The following ABCB1 variants were observed in gnomAD, a reference collection of about 807,000 sequenced individuals.
The protein encoded by ABCB1 is ATP-dependent translocase ABCB1.
ABCB1 carries 69 observed loss-of-function variants against 142.0 expected under a neutral mutation model. The ratio of observed to expected loss-of-function variants is 0.49; its 90% CI spans 0.40 to 0.59. The LOEUF (loss-of-function observed/expected upper bound fraction) is 0.59. Among genes scored for constraint, ABCB1 ranks in the 20% least tolerant of loss-of-function variants. ABCB1 has a pLI of 0.00. For synonymous variants in ABCB1, 532 were observed against 539.2 expected, an observed-to-expected ratio of 0.99 and a Z score of 0.18; for missense variants, 1,326 against 1,554.7, an observed-to-expected ratio of 0.85 and a Z score of 2.47.
rs564913013 is a variant in ABCB1 at position 87,664,900 on chromosome 7, C to A, written c.-331+48261G>T. On this transcript the variant is annotated intron_variant, in intron 1 of 28. Coordinates refer to the ABCB1 transcript ENST00000265724. ...TAGCAAAGCATTTCACAAAATTTAA[C>A]ATCCTTTCTTAATAAAAATTCTCAA... 7.9e-5 allele frequency among the ~76,000 whole-genome samples: 12 copies of A among 152,246 alleles called. 1 individual carries two copies. The South Asian group carries it at 2.5e-3, about 32-fold the overall frequency.
intron 1 of ABCB1, among the ~76,000 whole-genome samples, chr7:87,629,920 C>CAA (rs202130650): frequency 7.1e-5 from 8 of 112,776 alleles, no homozygotes; most frequent in East Asian, 2.6e-4. Context: ...GAGACTTCGT[C>CAA]AAAAAAAAAA....
At chr7:87,603,873 A>G (rs1819553407), upstream of ABCB1, among the ~76,000 whole-genome samples, 1 of 152,012 alleles carries the variant, frequency 6.6e-6, no homozygotes, top group Non-Finnish European at 1.5e-5. Flanking sequence ...AGTATCTTCT[A>G]ATGTTATGGC....
At chr7:87,687,026 A>G (rs1446778921) in intron 1 of ABCB1, among the ~76,000 whole-genome samples, 2 of 152,116 alleles carry the variant, frequency 1.3e-5, no homozygotes, top group East Asian at 3.9e-4. Context: ...GAAATGTAGC[A>G]CTTATTAAAG....
At chr7:87,653,758 T>G (rs1823809866) in intron 1 of ABCB1, among the ~76,000 whole-genome samples, 1 of 152,008 alleles carries the variant, frequency 6.6e-6, no homozygotes, top group Non-Finnish European at 1.5e-5. Flanking sequence ...GGTAAGGTAT[T>G]GCTAGTTTCT....
intron 1 of ABCB1, among the ~76,000 whole-genome samples, chr7:87,668,620 T>A (rs1305808386): frequency 6.6e-6 from 1 of 152,296 alleles, no homozygotes; most frequent in East Asian, 1.9e-4. Flanking sequence ...TTTAGTGCAA[T>A]GAAGTTCTCT....
At chr7:87,655,694 A>G (rs1008806566) in intron 1 of ABCB1, among the ~76,000 whole-genome samples, 3 of 152,144 alleles carry the variant, frequency 2.0e-5, no homozygotes, top group Non-Finnish European at 2.9e-5. Context: ...AAATTCCTAA[A>G]AGAGTATATT....
At chr7:87,618,214 G>A (rs1820091409) in intron 1 of ABCB1, among the ~76,000 whole-genome samples, 1 of 151,956 alleles carries the variant, frequency 6.6e-6, no homozygotes, top group Admixed American at 6.6e-5. Flanking sequence ...CTCTCCTTTG[G>A]AACATTTATC....
chr7:87,651,504 G>T (rs1373817287), intron 1 of ABCB1, among the ~76,000 whole-genome samples: 3 of 151,988 alleles, frequency 2.0e-5, no homozygotes, highest in Non-Finnish European at 4.4e-5. Context: ...AAATATAGTT[G>T]CTAAAATTCA....
intron 1 of ABCB1, among the ~76,000 whole-genome samples, chr7:87,685,985 C>T (rs1472264350): frequency 6.6e-6 from 1 of 152,142 alleles, no homozygotes; most frequent in African/African-American, 2.4e-5. Context: ...AGGAATACTC[C>T]TTTACCATCA....
intron 3 of ABCB1, among the ~76,000 whole-genome samples, chr7:87,590,265 C>T (rs1030146428): frequency 6.6e-6 from 1 of 152,208 alleles, no homozygotes; most frequent in Non-Finnish European, 1.5e-5. Context: ...ATGTATTCAA[C>T]ATTCATTCAA....
In ABCB1 at chr7:87,702,173, CAG is replaced by C. The variant is rs1404391727; in HGVS notation, c.-331+10986_-331+10987del. 3.1e-3 allele frequency among the ~76,000 whole-genome samples: 221 copies of C among 71,182 alleles called. 2 individuals carry two copies. Among genetic ancestry groups the C allele is most frequent in the Non-Finnish European group, 4.2e-3 (144 of 34,544 alleles). The allele number at this position is 71,182 out of a possible 152,430, so 46.7% of individuals were successfully genotyped here. ...AAAAAAAAAAAAAAAAAAAAAAAAA[CAG>C]AGATACTTTTCTCACTAATTTTTTT... On this transcript the variant is annotated intron_variant, in intron 1 of 28. Coordinates refer to the ABCB1 transcript ENST00000265724.
intron 20 of ABCB1, among the ~76,000 whole-genome samples, chr7:87,531,996 G>A (rs1337732107): frequency 6.6e-6 from 1 of 152,086 alleles, no homozygotes; most frequent in African/African-American, 2.4e-5. Flanking sequence ...TAGTAAGCGC[G>A]CATTATTATC....
chr7:87,588,398 C>A (rs535035291), intron 3 of ABCB1, among the ~76,000 whole-genome samples: 1 of 152,170 alleles, frequency 6.6e-6, no homozygotes, highest in Admixed American at 6.5e-5. Context: ...GTGTTCTCAT[C>A]ATTTAGCTCC....
intron 1 of ABCB1, among the ~76,000 whole-genome samples, chr7:87,675,928 A>C (rs1268816506): frequency 2.0e-5 from 3 of 152,202 alleles, no homozygotes; most frequent in Non-Finnish European, 4.4e-5. Context: ...TAAACTGAGA[A>C]GTTTCAAGCC....
chr7:87,608,826 T>A (rs962634377), intron 1 of ABCB1, among the ~76,000 whole-genome samples: 1 of 152,216 alleles, frequency 6.6e-6, no homozygotes, highest in Non-Finnish European at 1.5e-5. Flanking sequence ...ATTTAAAATA[T>A]ATTTCCATAT....
At chr7:87,542,464 T>C (rs777431187) in intron 17 of ABCB1, among the ~76,000 whole-genome samples, 1 of 152,152 alleles carries the variant, frequency 6.6e-6, no homozygotes, top group South Asian at 2.1e-4. Flanking sequence ...AGGATATAAA[T>C]CCAGGCAATC....
chr7:87,639,639 C>T (rs1822226842), intron 1 of ABCB1, among the ~76,000 whole-genome samples: 1 of 152,088 alleles, frequency 6.6e-6, no homozygotes. Context: ...CATGAAATGT[C>T]CCTCATTATC....
intron 1 of ABCB1, among the ~76,000 whole-genome samples, chr7:87,654,769 A>G (rs1442296934): frequency 6.6e-6 from 1 of 152,146 alleles, no homozygotes; most frequent in Admixed American, 6.6e-5. Flanking sequence ...TAAAGAGACA[A>G]TTTACAAAAA....
intron 1 of ABCB1, among the ~76,000 whole-genome samples, chr7:87,615,528 G>C (rs963856229): frequency 7.2e-5 from 11 of 152,186 alleles, no homozygotes; most frequent in Admixed American, 5.9e-4. Flanking sequence ...CTACTAAATT[G>C]AAATCAGACT....
Sources: allele counts gnomAD v4.1 joint callset (sites outside exome capture counted in the v4.1 genomes callset), GRCh38; gene constraint gnomAD v4.1.1; transcripts MANE v1.5; gene names NCBI Gene and HGNC (gene_info 2026-07-23, HGNC 2026-07-21).